POU6F2: variants seen among roughly 807,000 people sequenced by gnomAD.
POU6F2 encodes the protein POU domain, class 6, transcription factor 2.
Under a neutral mutation model 71.3 loss-of-function variants are expected in POU6F2, and 31 were observed. The observed-to-expected ratio is 0.43, with a 90% CI of 0.33 to 0.59. POU6F2 has a LOEUF of 0.59. Among genes scored for constraint, POU6F2 ranks in the 20% least tolerant of loss-of-function variants. The pLI is 0.04. For missense variants in POU6F2, 783 were observed against 856.8 expected (o/e 0.91, Z 1.07); for synonymous variants, 347 against 355.7 (o/e 0.98, Z 0.27).
At chr7:39,094,207 C>T (rs1167275381) in intron 2 of POU6F2, among the ~76,000 whole-genome samples, 2 of 152,066 alleles carry the variant, frequency 1.3e-5, no homozygotes, top group African/African-American at 4.8e-5. Flanking sequence ...GCACGGGAGA[C>T]AAGAAGATTC....
At chr7:39,418,947 GTATATATGTA>G (rs1583587283) in intron 6 of POU6F2, among the ~76,000 whole-genome samples, 2 of 78,446 alleles carry the variant, frequency 2.5e-5, no homozygotes, top group African/African-American at 1.1e-4. Flanking sequence ...GTGTATATAT[GTATATATGTA>G]TATATATGTG....
chr7:39,091,206 ATT>A (rs1562702556), intron 2 of POU6F2, among the ~76,000 whole-genome samples: 1 of 152,166 alleles, frequency 6.6e-6, no homozygotes, highest in Non-Finnish European at 1.5e-5. Flanking sequence ...TTTTCACCAT[ATT>A]TGTTTGTGGA....
intron 4 of POU6F2, among the ~76,000 whole-genome samples, chr7:39,222,471 T>C (rs7792953): frequency 0.63 from 95,669 of 151,968 alleles, 31,178 homozygotes; most frequent in East Asian, 0.97. Context: ...CAAGTACATT[T>C]ACATTTCTGT....
At chr7:39,168,914 T>C (rs182254090) in intron 2 of POU6F2, among the ~76,000 whole-genome samples, 125 of 152,346 alleles carry the variant, frequency 8.2e-4, no homozygotes, top group African/African-American at 2.9e-3. Flanking sequence ...GTGGCCAGAT[T>C]GATCCATTTC....
intron 7 of POU6F2, among the ~76,000 whole-genome samples, chr7:39,441,868 G>C (rs1583607103): frequency 6.6e-6 from 1 of 152,160 alleles, no homozygotes; most frequent in Non-Finnish European, 1.5e-5. Context: ...TGAAGACTAA[G>C]AGTGAGTGTA....
At chr7:39,190,849 G>T (rs1049301276) in intron 2 of POU6F2, among the ~76,000 whole-genome samples, 1 of 151,682 alleles carries the variant, frequency 6.6e-6, no homozygotes, top group Non-Finnish European at 1.5e-5. Context: ...TGTTGGTCAG[G>T]CTGGTCTCGA....
chr7:39,211,500 T>C (rs1444247060), intron 4 of POU6F2, among the ~76,000 whole-genome samples: 1 of 152,212 alleles, frequency 6.6e-6, no homozygotes, highest in African/African-American at 2.4e-5. Flanking sequence ...AAAGTTTTGC[T>C]TTGCTGATAA....
chr7:38,982,429 G>A (rs1350062949), intron 1 of POU6F2, among the ~76,000 whole-genome samples: 1 of 152,022 alleles, frequency 6.6e-6, no homozygotes, highest in Non-Finnish European at 1.5e-5. Context: ...CTTTTGGTAA[G>A]TTCCAGACTG....
At chr7:39,112,730 C>T (rs1791844425) in intron 2 of POU6F2, among the ~76,000 whole-genome samples, 1 of 151,802 alleles carries the variant, frequency 6.6e-6, no homozygotes, top group Non-Finnish European at 1.5e-5. Flanking sequence ...AAAAATGAAA[C>T]TTGACTGGCA....
chr7:39,098,833 A>G (rs1246729765), intron 2 of POU6F2, among the ~76,000 whole-genome samples: 1 of 152,190 alleles, frequency 6.6e-6, no homozygotes, highest in East Asian at 1.9e-4. Context: ...CGTTGTTAAG[A>G]GTTGAAAATG....
At chr7:39,177,099 T>C (rs2128740448) in intron 2 of POU6F2, among the ~76,000 whole-genome samples, 1 of 152,330 alleles carries the variant, frequency 6.6e-6, no homozygotes, top group South Asian at 2.1e-4. Context: ...TATAAAATAG[T>C]TTATTTTTAG....
intron 8 of POU6F2, among the ~76,000 whole-genome samples, chr7:39,453,017 G>T (rs149404238): frequency 7.7e-4 from 117 of 152,280 alleles, no homozygotes; most frequent in African/African-American, 2.7e-3. Flanking sequence ...ACTTGAACCT[G>T]GGAGGCAGAG....
intron 6 of POU6F2, among the ~76,000 whole-genome samples, chr7:39,432,262 CCCTGCCA>C (rs1362109872): frequency 9.9e-5 from 15 of 152,136 alleles, no homozygotes; most frequent in Non-Finnish European, 2.1e-4. Context: ...GAAGAGCCTC[CCCTGCCA>C]CCTGCCACAG....
intron 6 of POU6F2, among the ~76,000 whole-genome samples, chr7:39,412,755 C>T (rs1486085126): frequency 3.1e-5 from 3 of 96,600 alleles, no homozygotes; most frequent in Non-Finnish European, 6.6e-5. Context: ...CAATTTTTTC[C>T]GTATTAGCTT....
intron 4 of POU6F2, among the ~76,000 whole-genome samples, chr7:39,319,172 A>G (rs1327865958): frequency 2.0e-5 from 3 of 152,036 alleles, no homozygotes; most frequent in African/African-American, 7.2e-5. Context: ...GAGGTTTCAG[A>G]CCCCTTCACC....
intron 1 of POU6F2, among the ~76,000 whole-genome samples, chr7:39,036,745 TTA>T (rs1223782595): frequency 2.0e-5 from 3 of 152,032 alleles, no homozygotes; most frequent in African/African-American, 4.8e-5. Context: ...GCATATGAAT[TTA>T]TATGTCATTT....
chr7:38,990,067 A>G (rs376157248), intron 1 of POU6F2, among the ~76,000 whole-genome samples: 34 of 152,244 alleles, frequency 2.2e-4, no homozygotes, highest in African/African-American at 7.7e-4. Context: ...TATTTGCAAG[A>G]TAAGTTTGTT....
rs144886785 is a variant in POU6F2 at position 39,354,566 on chromosome 7, A to C, written c.972+14551A>C. On this transcript the variant is annotated intron_variant, in intron 5 of 9. Transcript: ENST00000518318. ...CCACTTTATACCATACCATGTGTTC[A>C]GGGTTGATGTGGACGGCGTATAGTA... 1.8e-4 allele frequency among the ~76,000 whole-genome samples: 28 copies of C among 152,306 alleles called. No homozygotes were observed. In the East Asian group the frequency reaches 5.2e-3, roughly 28 times the overall value.
chr7:39,186,858 C>T (rs572466807), intron 2 of POU6F2, among the ~76,000 whole-genome samples: 4 of 152,148 alleles, frequency 2.6e-5, no homozygotes, highest in Non-Finnish European at 5.9e-5. Context: ...TGCCCCCAGG[C>T]ATTGACAATG....
Sources: allele counts gnomAD v4.1 joint callset (sites outside exome capture counted in the v4.1 genomes callset), GRCh38; gene constraint gnomAD v4.1.1; transcripts MANE v1.5; gene names NCBI Gene and HGNC (gene_info 2026-07-23, HGNC 2026-07-21).